BTBD7: variants seen among roughly 807,000 people sequenced by gnomAD.
BTBD7 encodes the protein BTB domain containing 7, also known as BTB/POZ domain-containing protein 7.
BTBD7 carries 38 observed loss-of-function variants against 99.9 expected under a neutral mutation model. That is an observed-to-expected ratio of 0.38 (90% CI 0.29 to 0.50). BTBD7 has a LOEUF of 0.50. BTBD7 is among the 20% of genes least tolerant of loss of function. BTBD7 has a pLI of 0.93. For missense variants in BTBD7, 1,170 were observed against 1,394.6 expected, an observed-to-expected ratio of 0.84 and a Z score of 2.57; for synonymous variants, 520 against 511.4, an observed-to-expected ratio of 1.02 and a Z score of -0.23.
intron 2 of BTBD7, 94 bp downstream of exon 2, chr14:93,295,876 A>T: frequency 1.8e-6 from 2 of 1,120,180 alleles, no homozygotes; most frequent in Non-Finnish European, 2.6e-6. Context: ...TATAATAACT[A>T]CAGCTCACTT....
chr14:93,238,795 C>G lies in BTBD7; in HGVS notation c.*3478G>C, dbSNP rs141750183. ...CTGGCGCGTGTTTCCAATTTGCCTT[C>G]TGCATCGGCACCTTAATGCAGATGT... On this transcript the variant is annotated 3_prime_UTR_variant, in exon 11 of 11. Transcript: ENST00000334746. 2 of 152,346 alleles carry G rather than the reference C, an allele frequency of 1.3e-5. No individual in the cohort carries two copies. The highest frequency in any genetic ancestry group is 3.9e-4 in the East Asian group (2 of 5,182). The allele number at this position is 152,346 out of a possible 1,614,324, so 9.4% of individuals were successfully genotyped here.
chr14:93,268,366 T>C (rs1365238792), intron 3 of BTBD7, among the ~76,000 whole-genome samples: 1 of 152,188 alleles, frequency 6.6e-6, no homozygotes, highest in East Asian at 1.9e-4. Flanking sequence ...TTATATATAT[T>C]TGTCTGACTC....
chr14:93,270,284 C>T (rs928099185), intron 3 of BTBD7, among the ~76,000 whole-genome samples: 2 of 152,042 alleles, frequency 1.3e-5, no homozygotes, highest in Non-Finnish European at 2.9e-5. Flanking sequence ...TTAGTAGAGA[C>T]GGGATTTTGC....
intron 3 of BTBD7, among the ~76,000 whole-genome samples, chr14:93,270,211 T>G (rs1213601473): frequency 6.6e-6 from 1 of 152,106 alleles, no homozygotes; most frequent in Non-Finnish European, 1.5e-5. Context: ...TTCTACTGCC[T>G]CAGCCTCCTG....
chr14:93,240,480 C>T lies in BTBD7; in HGVS notation c.*1793G>A, dbSNP rs192923794. The stretch of plus-strand genomic sequence containing the variant: ...TCAAAGTGCATGTAATTCATTTACC[C>T]GGTAGCTCATAAACGCTCCCTAGCC... On this transcript the variant is annotated 3_prime_UTR_variant, in exon 11 of 11. Coordinates refer to ENST00000334746, the MANE Select transcript of BTBD7 (RefSeq NM_001002860.4). The T allele has an allele frequency of 2.0e-5, 3 of 152,708 alleles. No homozygotes were observed. Among genetic ancestry groups the T allele is most frequent in the Non-Finnish European group, 2.9e-5 (2 of 68,024 alleles). 9.5% of individuals were successfully genotyped at this position (152,708 alleles called of 1,614,324 possible).
At chr14:93,311,284 C>T (rs1015530719) in intron 1 of BTBD7, among the ~76,000 whole-genome samples, 1 of 152,122 alleles carries the variant, frequency 6.6e-6, no homozygotes, top group African/African-American at 2.4e-5. Context: ...CCTCTGCCTC[C>T]GAGAGCAGAG....
intron 3 of BTBD7, among the ~76,000 whole-genome samples, chr14:93,283,868 A>G (rs1376979767): frequency 2.6e-5 from 4 of 152,228 alleles, no homozygotes; most frequent in Non-Finnish European, 5.9e-5. Context: ...ATGTCTTTTA[A>G]GTATATAAAT....
chr14:93,258,747 G>A (rs1242732991), intron 5 of BTBD7, among the ~76,000 whole-genome samples: 1 of 152,132 alleles, frequency 6.6e-6, no homozygotes, highest in Admixed American at 6.6e-5. Context: ...ACCACACGCA[G>A]CTAATTTTTC....
chr14:93,301,180 CTCTG>C (rs1179944459), intron 1 of BTBD7, among the ~76,000 whole-genome samples: 1 of 151,860 alleles, frequency 6.6e-6, no homozygotes, highest in African/African-American at 2.4e-5. Flanking sequence ...CATTGTGAGA[CTCTG>C]TCTTTCCAAA....
chr14:93,242,773 G>A lies in BTBD7; in HGVS notation c.2899C>T (p.Pro967Ser), dbSNP rs537138286. 4 of 1,614,102 alleles carry A rather than the reference G, an allele frequency of 2.5e-6. No individual in the cohort carries two copies. The highest frequency in any genetic ancestry group is 3.4e-6 in the Non-Finnish European group (4 of 1,180,048). ...GGACCAAAATATCCACCTTGCGAAG[G>A]GGAAGGGGTGCGTCTGCTGAGAGCA... ...TPALSRRTPS[P>S]SQGGYFGPDL... is the part of the protein sequence containing the mutation. The change falls in exon 11 of 11, where the codon CCT becomes TCT. Residue 967 changes from proline (P) to serine (S), a missense_variant. By Grantham distance (74) the Pro-to-Ser change is moderately conservative. Coordinates refer to ENST00000334746, the MANE Select transcript of BTBD7 (RefSeq NM_001002860.4).
In BTBD7 at chr14:93,256,735, A is replaced by T. The variant is rs182255397; in HGVS notation, c.1608+460T>A. On this transcript the variant is annotated intron_variant, in intron 6 of 10. Coordinates refer to ENST00000334746, the MANE Select transcript of BTBD7 (RefSeq NM_001002860.4). ...CGCCCAGCCAATTATATTAATTTTT[A>T]AAAAATTCACTGTTTAAAAAATTAT... 3.1e-3 allele frequency: 468 copies of T among 153,012 alleles called. 1 individual carries two copies. Among genetic ancestry groups the T allele is most frequent in the African/African-American group, 0.011 (437 of 41,564 alleles). The allele number at this position is 153,012 out of a possible 1,614,324, so 9.5% of individuals were successfully genotyped here. A position where few individuals can be genotyped will look rare whatever the true frequency, so the allele number is the denominator to read the frequency against.
chr14:93,292,770 C>T (rs1595317566), intron 3 of BTBD7, among the ~76,000 whole-genome samples: 2 of 152,142 alleles, frequency 1.3e-5, no homozygotes, highest in South Asian at 4.1e-4. Context: ...GGTCTTCCTG[C>T]CTCAGCCTCC....
intron 1 of BTBD7, among the ~76,000 whole-genome samples, chr14:93,306,284 TA>T (rs1237290809): frequency 2.0e-5 from 3 of 152,120 alleles, no homozygotes; most frequent in African/African-American, 7.2e-5. Context: ...CTGAGGGTGA[TA>T]AAGGTAATGG....
chr14:93,309,773 CAG>C (rs1292341022), intron 1 of BTBD7, among the ~76,000 whole-genome samples: 1 of 152,190 alleles, frequency 6.6e-6, no homozygotes, highest in Non-Finnish European at 1.5e-5. Flanking sequence ...CATTCAAACA[CAG>C]AGGACAATTA....
rs1284038554 is a variant in BTBD7, at chr14:93,241,908, C to A, written c.*365G>T. On this transcript the variant is annotated 3_prime_UTR_variant, in exon 11 of 11. Transcript: ENST00000334746. ...ATGCAAAAAAGTATGAAAATACAGTCCTTTAAATGTGGCAATAAAGTTTAA... is the reference window on the plus strand; with the variant it reads ...ATGCAAAAAAGTATGAAAATACAGTACTTTAAATGTGGCAATAAAGTTTAA... The A allele has an allele frequency of 7.8e-6, 2 of 257,760 alleles. No homozygotes were observed. The highest frequency in any genetic ancestry group is 2.2e-5 in the African/African-American group (1 of 44,918). 16.0% of individuals were successfully genotyped at this position (257,760 alleles called of 1,614,324 possible).
At chr14:93,326,223 T>C (rs1008194719) in intron 1 of BTBD7, among the ~76,000 whole-genome samples, 1 of 152,154 alleles carries the variant, frequency 6.6e-6, no homozygotes, top group African/African-American at 2.4e-5. Context: ...TCCCAGCACT[T>C]TGGGAGGCCA....
chr14:93,275,397 T>C (rs1240297849), intron 3 of BTBD7, among the ~76,000 whole-genome samples: 1 of 152,210 alleles, frequency 6.6e-6, no homozygotes, highest in Non-Finnish European at 1.5e-5. Flanking sequence ...AAGGATGCAT[T>C]ATAGTTTGGC....
At position 93,287,300 on chromosome 14, in the gene BTBD7, A is replaced by G. The variant is rs909158526; in HGVS notation, c.1162+6558T>C. Among the ~76,000 whole-genome samples the G allele has an allele frequency of 3.3e-5, 5 of 151,306 alleles. No homozygotes were observed. In the East Asian group the frequency reaches 7.8e-4, roughly 24 times the overall value. ...CATTTAAAAAGTCTGGTAGTAACAC[A>G]ATGCTAACCCTAAACCCCCCCGCCC... On this transcript the variant is annotated intron_variant, in intron 3 of 10. Transcript: ENST00000334746.
rs560000423 is a variant in BTBD7, at chr14:93,275,019, A to C, written c.1163-11026T>G. 2.0e-5 allele frequency among the ~76,000 whole-genome samples: 3 copies of C among 152,344 alleles called. No homozygotes were observed. The South Asian group carries it at 6.2e-4, about 32-fold the overall frequency. ...AATGTTCTAGAAGGGTAGAAAAAGA[A>C]GTAGGCAATCTCACCTCTATGTAGT... On this transcript the variant is annotated intron_variant, in intron 3 of 10. Coordinates refer to ENST00000334746, the MANE Select transcript of BTBD7 (RefSeq NM_001002860.4).
Sources: gnomAD v4.1 joint callset for allele counts (sites outside exome capture counted in the v4.1 genomes callset) on GRCh38, gnomAD v4.1.1 for gene constraint, MANE v1.5 for transcripts, NCBI Gene and HGNC (gene_info 2026-07-23, HGNC 2026-07-21) for gene names.